Variants in NNT observed in about 807,000 individuals in gnomAD.
NNT encodes NAD(P) transhydrogenase, mitochondrial.
Under a neutral mutation model 104.8 loss-of-function variants are expected in NNT, and 50 were observed. The observed-to-expected ratio is 0.48, with a 90% CI of 0.38 to 0.60. NNT has a LOEUF of 0.60. NNT is among the 20% of genes least tolerant of loss of function. NNT has a pLI of 0.00. For missense variants in NNT, 1,131 were observed against 1,330.7 expected, an observed-to-expected ratio of 0.85 and a Z score of 2.33; for synonymous variants, 461 against 490.4, an observed-to-expected ratio of 0.94 and a Z score of 0.79.
intron 7 of NNT, among the ~76,000 whole-genome samples, chr5:43,638,762 A>G (rs562066174): frequency 6.6e-6 from 1 of 151,872 alleles, no homozygotes; most frequent in Non-Finnish European, 1.5e-5. Flanking sequence ...ATTCCAGTAA[A>G]TGATGCTGAA....
chr5:43,623,023 C>G (rs1244452394), intron 5 of NNT, among the ~76,000 whole-genome samples: 1 of 151,796 alleles, frequency 6.6e-6, no homozygotes, highest in Non-Finnish European at 1.5e-5. Context: ...AAGCCTAGAG[C>G]CTGCTTATTC....
At chr5:43,694,414 G>A (rs750184425) in intron 19 of NNT, among the ~76,000 whole-genome samples, 5 of 152,146 alleles carry the variant, frequency 3.3e-5, no homozygotes, top group Non-Finnish European at 5.9e-5. Flanking sequence ...TTGGCCATGG[G>A]TTTGTCATAG....
chr5:43,610,420 T>C (rs1749443814), intron 2 of NNT, among the ~76,000 whole-genome samples: 2 of 152,088 alleles, frequency 1.3e-5, no homozygotes, highest in African/African-American at 4.8e-5. Context: ...CATTTTGCTG[T>C]AAGGGAGACT....
At chr5:43,691,070 A>AGAGAGAGAGTGTGT (rs1245517310) in intron 19 of NNT, among the ~76,000 whole-genome samples, 1 of 137,400 alleles carries the variant, frequency 7.3e-6, no homozygotes, top group African/African-American at 2.7e-5. Flanking sequence ...TTTTTGAGAG[A>AGAGAGAGAGTGTGT]GTGTGTGTGT....
In NNT at chr5:43,609,167, G is replaced by T; in HGVS notation, c.-29G>T. On this transcript the variant is annotated 5_prime_UTR_variant, in exon 2 of 22. Transcript: ENST00000344920. ...GTGATTTGCCTTCAAGGAAACTGGG[G>T]AGTCAGAAAATTGGGAACTCATATC... The T allele has an allele frequency of 6.3e-7, 1 of 1,582,588 alleles. No individual in the cohort carries two copies. The highest frequency in any genetic ancestry group is 1.2e-5 in the South Asian group (1 of 85,422).
At chr5:43,664,139 A>T (rs956515467) in intron 17 of NNT, among the ~76,000 whole-genome samples, 1 of 152,222 alleles carries the variant, frequency 6.6e-6, no homozygotes, top group African/African-American at 2.4e-5. Context: ...TGCTATGGTT[A>T]CACAATACCC....
chr5:43,639,928 T>G (rs1751134950), intron 7 of NNT, among the ~76,000 whole-genome samples: 2 of 152,098 alleles, frequency 1.3e-5, no homozygotes, highest in Non-Finnish European at 2.9e-5. Flanking sequence ...CTGATTTTTT[T>G]TTTAAGCGGG....
At chr5:43,679,909 A>C (rs997253661) in intron 19 of NNT, among the ~76,000 whole-genome samples, 1 of 151,856 alleles carries the variant, frequency 6.6e-6, no homozygotes, top group African/African-American at 2.4e-5. Context: ...ATGTAGGATC[A>C]GAATAAGATT....
intron 19 of NNT, among the ~76,000 whole-genome samples, chr5:43,696,909 A>AT (rs1339152233): frequency 3.3e-5 from 5 of 151,964 alleles, no homozygotes; most frequent in South Asian, 2.1e-4. Flanking sequence ...CCATGAAACC[A>AT]TTTTTTCCTC....
At position 43,649,186 on chromosome 5, in the gene NNT, A is replaced by G. The variant is rs199609080; in HGVS notation, c.1484A>G (p.Asn495Ser). 1.5e-5 allele frequency: 25 copies of G among 1,614,048 alleles called. No individual in the cohort carries two copies. The highest frequency in any genetic ancestry group is 1.2e-4 in the South Asian group (11 of 91,082). ...GILGLGIAAP[N>S]LAFSQMVTTF... ...CTGGGTTTGGGCATTGCGGCTCCCA[A>G]TCTAGCCTTTTCTCAGATGGTGACC... The change falls in exon 11 of 22, where the codon AAT (asparagine) becomes AGT (serine). Residue 495 changes from asparagine (N) to serine (S), a missense_variant. Asn to Ser is a conservative substitution (Grantham distance 46). Transcript: ENST00000344920.
intron 17 of NNT, among the ~76,000 whole-genome samples, chr5:43,663,569 T>C (rs185774193): frequency 1.4e-3 from 214 of 152,354 alleles, no homozygotes; most frequent in African/African-American, 5.0e-3. Context: ...TTCTTTATTA[T>C]AGGAAATTAT....
chr5:43,628,980 G>A (rs1166844930), intron 7 of NNT, among the ~76,000 whole-genome samples: 1 of 151,060 alleles, frequency 6.6e-6, no homozygotes, highest in African/African-American at 2.4e-5. Context: ...ATTTAGAAAA[G>A]ATTATTATTA....
At chr5:43,685,348 C>T (rs948372439) in intron 19 of NNT, among the ~76,000 whole-genome samples, 3 of 151,976 alleles carry the variant, frequency 2.0e-5, no homozygotes, top group Non-Finnish European at 4.4e-5. Context: ...TGTACATTGC[C>T]CTATATCCAG....
In NNT at chr5:43,655,860, A is replaced by C; in HGVS notation, c.2080A>C (p.Ile694Leu). Residue 694 changes from isoleucine (I) to leucine (L), a missense_variant, in exon 15 of 22, where the codon ATC (isoleucine) becomes CTC (leucine). By Grantham distance (5) the Ile-to-Leu change is conservative (BLOSUM62 2). Transcript: ENST00000344920. ...AACAGGATTGACAATTGCCAAACGC[A>C]TCCAGATTTCTGATTTACCTCAATT... ...GTIGLTIAKRIQISDLPQLVA... is the reference protein window; with the variant it reads ...GTIGLTIAKRLQISDLPQLVA... 1 of 1,614,182 alleles carries C rather than the reference A, an allele frequency of 6.2e-7. No individual in the cohort carries two copies. Among genetic ancestry groups the C allele is most frequent in the Non-Finnish European group, 8.5e-7 (1 of 1,179,988 alleles).
intron 19 of NNT, among the ~76,000 whole-genome samples, chr5:43,696,829 T>C (rs545911207): frequency 6.6e-6 from 1 of 152,286 alleles, no homozygotes; most frequent in African/African-American, 2.4e-5. Context: ...CTTTTAGTCA[T>C]GGCTGGATGG....
At chr5:43,607,668 G>A (rs1405604203) in intron 1 of NNT, among the ~76,000 whole-genome samples, 1 of 152,212 alleles carries the variant, frequency 6.6e-6, no homozygotes, top group African/African-American at 2.4e-5. Context: ...GCCCAGGCTG[G>A]TCTTGAACTG....
intron 17 of NNT, among the ~76,000 whole-genome samples, chr5:43,666,570 G>A (rs57983993): frequency 0.35 from 52,981 of 149,488 alleles, 14,241 homozygotes; most frequent in African/African-American, 0.77. Context: ...TCGGCATCAG[G>A]GGGAGACCGA....
chr5:43,623,334 G>A (rs1281493269), intron 5 of NNT, among the ~76,000 whole-genome samples: 1 of 151,444 alleles, frequency 6.6e-6, no homozygotes, highest in Non-Finnish European at 1.5e-5. Flanking sequence ...TGGAAGGCCC[G>A]TTCCAGACTG....
At position 43,653,226 on chromosome 5, in the gene NNT, G is replaced by C; in HGVS notation, c.2059+13G>C. The C allele has an allele frequency of 6.2e-7, 1 of 1,603,810 alleles. No homozygotes were observed. Among genetic ancestry groups the C allele is most frequent in the South Asian group, 1.1e-5 (1 of 90,066 alleles). On this transcript the variant is annotated intron_variant, in intron 14 of 21. Transcript: ENST00000344920. Reference sequence around the variant, plus strand: ...GGTGGTACCATTGGTAAGCACTTGTGGGCTTCTGCCTTCATGTGAACTCCA... The same window carrying C: ...GGTGGTACCATTGGTAAGCACTTGTCGGCTTCTGCCTTCATGTGAACTCCA...
Sources: allele counts gnomAD v4.1 joint callset (sites outside exome capture counted in the v4.1 genomes callset), GRCh38; gene constraint gnomAD v4.1.1; transcripts MANE v1.5; gene names NCBI Gene and HGNC (gene_info 2026-07-23, HGNC 2026-07-21).